Variants in RELN observed in about 807,000 individuals in gnomAD.
RELN encodes the protein reelin.
Under a neutral mutation model 427.6 loss-of-function variants are expected in RELN, and 108 were observed. The observed-to-expected ratio is 0.25, with a 90% confidence interval of 0.22 to 0.30. The LOEUF (loss-of-function observed/expected upper bound fraction) is 0.30. Ranked by LOEUF, RELN falls within the 10% of genes least tolerant of loss-of-function variation. The pLI is 1.00. For missense variants in RELN, 3,715 were observed against 4,302.8 expected, an observed-to-expected ratio of 0.86 and a Z score of 3.82; for synonymous variants, 1,524 against 1,513.4, an observed-to-expected ratio of 1.01 and a Z score of -0.16.
rs1830933958 is a variant in RELN at position 103,573,719 on chromosome 7, A to G, written c.4511+373T>C. 6.6e-6 allele frequency among the ~76,000 whole-genome samples: 1 copy of G among 152,254 alleles called. No individual in the cohort carries two copies. Among genetic ancestry groups the G allele is most frequent in the African/African-American group, 2.4e-5 (1 of 41,468 alleles). On this transcript the variant is annotated intron_variant, in intron 30 of 64. Transcript: ENST00000428762. The surrounding 1 kb of genome is among the most constrained non-coding windows in gnomAD (Gnocchi z 4.4). ...AATAAGTGAATACAAATCAACTTAG[A>G]TAAATGAGGACGCATCAATTTCAGA...
intron 24 of RELN, among the ~76,000 whole-genome samples, chr7:103,602,958 A>G (rs138852822): frequency 1.6e-4 from 25 of 152,218 alleles, no homozygotes; most frequent in African/African-American, 5.5e-4. Context: ...CACACCCTCC[A>G]AAGGCCAGGG....
chr7:103,868,214 AC>A (rs773985166), intron 2 of RELN, among the ~76,000 whole-genome samples: 13 of 152,060 alleles, frequency 8.5e-5, no homozygotes, highest in Non-Finnish European at 1.5e-4. Context: ...GATATTGGGA[AC>A]CAATTTGGAA....
At chr7:103,558,093 C>G in intron 36 of RELN, 44 bp from the exon 37 acceptor site, 1 of 920,746 alleles carries the variant, frequency 1.1e-6, no homozygotes, top group South Asian at 1.3e-5. Flanking sequence ...TTTTCACTTG[C>G]AAAATTGTAT....
chr7:103,909,191 A>G (rs1472099300), intron 2 of RELN, among the ~76,000 whole-genome samples: 1 of 152,130 alleles, frequency 6.6e-6, no homozygotes, highest in Non-Finnish European at 1.5e-5. Flanking sequence ...CATCTCAGTC[A>G]CACAGACAAG....
At position 103,770,650 on chromosome 7, in the gene RELN, A is replaced by T. The variant is rs113476227; in HGVS notation, c.544+5907T>A. On this transcript the variant is annotated intron_variant, in intron 4 of 64. Coordinates refer to ENST00000428762, the MANE Select transcript of RELN (RefSeq NM_005045.4). ...GCCTACCTCTTTCCTTATTTTTTTT[A>T]AAAATTTTTTTTTTTAATGGACAAA... Among the ~76,000 whole-genome samples the T allele has an allele frequency of 5.3e-3, 590 of 111,676 alleles. 6 individuals carry two copies. Among genetic ancestry groups the T allele is most frequent in the African/African-American group, 0.021 (451 of 21,346 alleles). The allele number at this position is 111,676 out of a possible 152,430, so 73.3% of individuals were successfully genotyped here.
At chr7:103,744,006 G>C (rs985942150) in intron 6 of RELN, among the ~76,000 whole-genome samples, 19 of 152,128 alleles carry the variant, frequency 1.2e-4, no homozygotes, top group East Asian at 3.9e-4. Flanking sequence ...TGACCACATA[G>C]TTGGAAGTAA....
chr7:103,892,234 G>A (rs1451471764), intron 2 of RELN, among the ~76,000 whole-genome samples: 1 of 152,106 alleles, frequency 6.6e-6, no homozygotes, highest in Non-Finnish European at 1.5e-5. Context: ...AGACAGTAGA[G>A]CCTCCGTCAT....
intron 10 of RELN, among the ~76,000 whole-genome samples, chr7:103,684,739 G>T (rs1017333910): frequency 9.9e-5 from 15 of 152,090 alleles, no homozygotes; most frequent in African/African-American, 3.1e-4. Context: ...GGTGTTGTTA[G>T]TGGCACAAAT....
At chr7:103,936,792 T>C (rs994561552) in intron 1 of RELN, among the ~76,000 whole-genome samples, 2 of 151,956 alleles carry the variant, frequency 1.3e-5, no homozygotes, top group African/African-American at 4.8e-5. Context: ...GGTAAAATTC[T>C]ATTTCTTATG....
intron 18 of RELN, 81 bp from the exon 19 acceptor site, chr7:103,635,667 A>T: frequency 8.0e-7 from 1 of 1,251,254 alleles, no homozygotes. Context: ...AAGAATTTCA[A>T]ATTATGTTTC....
At chr7:103,983,457 G>A (rs1464026447) in intron 1 of RELN, among the ~76,000 whole-genome samples, 2 of 152,174 alleles carry the variant, frequency 1.3e-5, no homozygotes, top group East Asian at 3.9e-4. Context: ...TGTCCTAAGA[G>A]CCAATAATTT....
At chr7:103,811,051 T>A (rs1213749852) in intron 3 of RELN, among the ~76,000 whole-genome samples, 2 of 152,246 alleles carry the variant, frequency 1.3e-5, no homozygotes, top group East Asian at 1.9e-4. Context: ...TGATTTGGCA[T>A]TAATGTTCAA....
intron 40 of RELN, among the ~76,000 whole-genome samples, chr7:103,552,291 C>G (rs1232301811): frequency 3.9e-5 from 6 of 152,180 alleles, no homozygotes; most frequent in Non-Finnish European, 8.8e-5. Context: ...TGAACATTTT[C>G]TTACTATCAT....
At chr7:103,550,324 C>T (rs939520168) in intron 41 of RELN, among the ~76,000 whole-genome samples, 1 of 152,180 alleles carries the variant, frequency 6.6e-6, no homozygotes, top group African/African-American at 2.4e-5. Context: ...CTATTTCCAT[C>T]TTGAAAGTAT....
At chr7:103,789,592 T>C (rs1441485935) in intron 3 of RELN, among the ~76,000 whole-genome samples, 1 of 152,188 alleles carries the variant, frequency 6.6e-6, no homozygotes, top group African/African-American at 2.4e-5. Context: ...AAGCTCATCA[T>C]CACTGGTCAT....
chr7:103,713,724 T>C (rs886145210), intron 8 of RELN, among the ~76,000 whole-genome samples: 6 of 151,058 alleles, frequency 4.0e-5, no homozygotes, highest in African/African-American at 1.5e-4. Context: ...AGGGAGAAAA[T>C]ACTCTTACTC....
At position 103,519,421 on chromosome 7, in the gene RELN, G is replaced by A; in HGVS notation, c.7764C>T (p.Asn2588=). ...CCAAGAGAACACCTTGGTTACGGTT[G>A]TTTGGTGTAATCAGGCACCCATACA... ...YFMYGCLITP[N]NRNQGVLLEY... The change falls in exon 49 of 65, where the codon AAC becomes AAT. Residue 2588 remains asparagine (N), a synonymous_variant. Transcript: ENST00000428762. 1.2e-6 allele frequency: 2 copies of A among 1,613,638 alleles called. No homozygotes were observed. Among genetic ancestry groups the A allele is most frequent in the Non-Finnish European group, 1.7e-6 (2 of 1,179,548 alleles).
rs545827090 is a variant in RELN, at chr7:103,611,611, T to C, written c.2895A>G (p.Glu965=). 6.2e-7 allele frequency: 1 copy of C among 1,613,358 alleles called. No homozygotes were observed. The highest frequency in any genetic ancestry group is 2.2e-5 in the East Asian group (1 of 44,788). ...NHGLTWHLVQ[E]ECLPSMPSCQ... is the part of the protein sequence containing the mutation. Reference sequence around the variant, plus strand: ...CAAGGTTTAAGGAAACTAGACTTACTTCTTGGACGAGGTGCCAGGTAAGGC... The same window carrying C: ...CAAGGTTTAAGGAAACTAGACTTACCTCTTGGACGAGGTGCCAGGTAAGGC... The change falls in exon 21 of 65, where the codon GAA becomes GAG. Residue 965 remains glutamate, a splice_region_variant and synonymous_variant. Coordinates refer to ENST00000428762, the MANE Select transcript of RELN (RefSeq NM_005045.4).
intron 37 of RELN, 94 bp downstream of exon 37, chr7:103,557,870 CA>C (rs1830559203): frequency 2.8e-6 from 2 of 708,664 alleles, no homozygotes; most frequent in Non-Finnish European, 5.2e-6. Flanking sequence ...TTCCATACAA[CA>C]AAACTTATGG....
Sources: allele counts gnomAD v4.1 joint callset (sites outside exome capture counted in the v4.1 genomes callset), GRCh38; gene constraint gnomAD v4.1.1; non-coding constraint Gnocchi (gnomAD v3.1); transcripts MANE v1.5; gene names NCBI Gene and HGNC (gene_info 2026-07-23, HGNC 2026-07-21).